Variants in HECW1 observed in about 807,000 individuals in gnomAD.
HECW1 encodes the protein E3 ubiquitin-protein ligase HECW1.
A neutral mutation model predicts 182.3 loss-of-function variants in HECW1; 61 were observed. The ratio of observed to expected loss-of-function variants is 0.33; its 90% CI spans 0.27 to 0.41. The LOEUF is 0.41. HECW1 is among the 10% of genes least tolerant of loss of function. The pLI, the probability that HECW1 is intolerant of heterozygous loss-of-function variation, is 1.00. For synonymous variants in HECW1, 859 were observed against 832.6 expected, an observed-to-expected ratio of 1.03 and a Z score of -0.55; for missense variants, 1,739 against 2,108.9, an observed-to-expected ratio of 0.82 and a Z score of 3.44.
chr7:43,497,281 G>T (rs1385589328), intron 19 of HECW1, among the ~76,000 whole-genome samples: 1 of 152,154 alleles, frequency 6.6e-6, no homozygotes, highest in African/African-American at 2.4e-5. Flanking sequence ...GGTGAAAAAT[G>T]AAAGAAAGCT....
rs930801740 is a variant in HECW1 at position 43,564,211 on chromosome 7, G to A, written c.*2285G>A. 3 of 191,290 alleles carry A rather than the reference G, an allele frequency of 1.6e-5. No individual in the cohort carries two copies. In the Admixed American group the frequency reaches 1.8e-4, roughly 12 times the overall value. 11.8% of individuals were successfully genotyped at this position (191,290 alleles called of 1,614,324 possible). On this transcript the variant is annotated 3_prime_UTR_variant, in exon 30 of 30. Coordinates refer to ENST00000395891, the MANE Select transcript of HECW1 (RefSeq NM_015052.5). ...TTGCAACAACATCTCTAATATAGGG[G>A]CATCTTTTATCTTTAGAACTTGGTG...
chr7:43,416,553 C>G (rs982410172), intron 8 of HECW1, among the ~76,000 whole-genome samples: 1 of 151,996 alleles, frequency 6.6e-6, no homozygotes, highest in Non-Finnish European at 1.5e-5. Context: ...GTGGTGGGCT[C>G]CACCCAGTTC....
At chr7:43,408,520 CAA>C (rs749031292) in intron 8 of HECW1, among the ~76,000 whole-genome samples, 83 of 135,588 alleles carry the variant, frequency 6.1e-4, no homozygotes, top group Admixed American at 9.6e-4. Context: ...CCATCTCCAC[CAA>C]AAAAAAAAAA....
chr7:43,168,195 C>T (rs1443620971), intron 2 of HECW1, among the ~76,000 whole-genome samples: 3 of 152,156 alleles, frequency 2.0e-5, no homozygotes, highest in African/African-American at 7.2e-5. Context: ...GCACAAAGAT[C>T]ATGTTTATGA....
intron 2 of HECW1, chr7:43,240,010 G>A (rs1798721401): frequency 6.6e-6 from 1 of 152,218 alleles, no homozygotes; most frequent in African/African-American, 2.4e-5. Flanking sequence ...AAAAGCAAAT[G>A]TACTTTGTTT....
At chr7:43,336,765 T>C (rs567520793) in intron 5 of HECW1, among the ~76,000 whole-genome samples, 86 of 152,314 alleles carry the variant, frequency 5.6e-4, no homozygotes, top group Non-Finnish European at 9.0e-4. Context: ...TGTGTACCCA[T>C]TGTTTAGCTC....
At chr7:43,442,679 G>A (rs757000804) in intron 10 of HECW1, 50 bp downstream of exon 10, 5 of 1,268,070 alleles carry the variant, frequency 3.9e-6, no homozygotes, top group Middle Eastern at 1.9e-4. Context: ...TGTCATAAGT[G>A]TGGTTCCTTT....
At chr7:43,128,293 T>C (rs1786508123) in intron 2 of HECW1, among the ~76,000 whole-genome samples, 1 of 152,214 alleles carries the variant, frequency 6.6e-6, no homozygotes, top group Admixed American at 6.5e-5. Context: ...AAAAAATACA[T>C]TGACTTGCTT....
chr7:43,360,287 C>G (rs935205386), intron 5 of HECW1, among the ~76,000 whole-genome samples: 4 of 151,044 alleles, frequency 2.6e-5, no homozygotes, highest in Non-Finnish European at 5.9e-5. Flanking sequence ...TTATAACTCT[C>G]TGCAGCATTA....
At chr7:43,417,779 T>C (rs2076061457) in intron 8 of HECW1, among the ~76,000 whole-genome samples, 1 of 152,218 alleles carries the variant, frequency 6.6e-6, no homozygotes, top group South Asian at 2.1e-4. Flanking sequence ...TAAATCATTG[T>C]TGCTTTCCTA....
intron 2 of HECW1, chr7:43,207,910 G>C (rs1366301021): frequency 6.6e-6 from 1 of 152,154 alleles, no homozygotes; most frequent in Non-Finnish European, 1.5e-5. Context: ...GGTAATTAAA[G>C]TAGTTGTCTT....
At chr7:43,392,085 T>A (rs17206734) in intron 6 of HECW1, among the ~76,000 whole-genome samples, 18,361 of 152,146 alleles carry the variant, frequency 0.12, 1,278 homozygotes, top group Middle Eastern at 0.29. Flanking sequence ...TATTTTCACC[T>A]CATTTTTAGG....
rs2079735341 is a variant in HECW1, at chr7:43,509,119, G to A, written c.4017G>A (p.Glu1339=). 1.2e-6 allele frequency: 2 copies of A among 1,613,838 alleles called. No individual in the cohort carries two copies. The highest frequency in any genetic ancestry group is 1.7e-6 in the Non-Finnish European group (2 of 1,179,872). Residue 1339 remains glutamate, a splice_region_variant and synonymous_variant, in exon 24 of 30, where the codon GAG becomes GAA. Coordinates refer to ENST00000395891, the MANE Select transcript of HECW1 (RefSeq NM_015052.5). The part of the protein sequence containing the change: ...PMSAFVENHL[E]WFRFSGRILG... Reference sequence around the variant, plus strand: ...CCGCATTTGTAGAAAACCATCTTGAGTGGTAAGCTCTATAATGTTCACTTT... The same window carrying A: ...CCGCATTTGTAGAAAACCATCTTGAATGGTAAGCTCTATAATGTTCACTTT...
chr7:43,287,648 T>C (rs1296823798), intron 3 of HECW1, among the ~76,000 whole-genome samples: 1 of 68,342 alleles, frequency 1.5e-5, no homozygotes, highest in Non-Finnish European at 2.3e-5. Context: ...CTGATTTAGG[T>C]TTTTTAAAGG....
intron 2 of HECW1, among the ~76,000 whole-genome samples, chr7:43,157,433 G>A (rs577697870): frequency 1.3e-5 from 2 of 152,204 alleles, no homozygotes; most frequent in African/African-American, 4.8e-5. Flanking sequence ...TAATAATTTT[G>A]ACTGTAATAT....
At chr7:43,217,412 G>A (rs1174510553) in intron 2 of HECW1, among the ~76,000 whole-genome samples, 1 of 152,224 alleles carries the variant, frequency 6.6e-6, no homozygotes, top group Non-Finnish European at 1.5e-5. Flanking sequence ...TACTTCAAGT[G>A]CATGAGTTCT....
At chr7:43,175,121 T>C (rs971494188) in intron 2 of HECW1, among the ~76,000 whole-genome samples, 1 of 152,112 alleles carries the variant, frequency 6.6e-6, no homozygotes, top group Non-Finnish European at 1.5e-5. Flanking sequence ...AGTTGAGGTA[T>C]AAGTTTTTGT....
intron 3 of HECW1, among the ~76,000 whole-genome samples, chr7:43,265,160 G>A (rs1418591043): frequency 3.9e-5 from 6 of 152,234 alleles, no homozygotes; most frequent in East Asian, 1.9e-4. Context: ...TCTATGGGTC[G>A]GGAGGGTAGC....
intron 2 of HECW1, among the ~76,000 whole-genome samples, chr7:43,217,461 A>T (rs533449988): frequency 6.6e-6 from 1 of 152,340 alleles, no homozygotes; most frequent in South Asian, 2.1e-4. Context: ...TTGAATGTCT[A>T]TATCAAATTA....
Sources: gnomAD v4.1 joint callset for allele counts (sites outside exome capture counted in the v4.1 genomes callset) on GRCh38, gnomAD v4.1.1 for gene constraint, MANE v1.5 for transcripts, NCBI Gene and HGNC (gene_info 2026-07-23, HGNC 2026-07-21) for gene names.